B3GALNT2: variants seen among roughly 807,000 people sequenced by gnomAD.
B3GALNT2 encodes UDP-GalNAc:beta-1,3-N-acetylgalactosaminyltransferase 2.
A neutral mutation model predicts 61.1 loss-of-function variants in B3GALNT2; 53 were observed. The ratio of observed to expected loss-of-function variants is 0.87; its 90% CI spans 0.70 to 1.09. The LOEUF is 1.09. B3GALNT2 is among the 50% of genes least tolerant of loss of function. The pLI, the probability that B3GALNT2 is intolerant of heterozygous loss-of-function variation, is 0.00. For missense variants in B3GALNT2, 544 were observed against 623.0 expected, an observed-to-expected ratio of 0.87 and a Z score of 1.35; for synonymous variants, 223 against 237.4, an observed-to-expected ratio of 0.94 and a Z score of 0.56.
chr1:235,474,950 CATATATATATATAT>C (rs1159752267), intron 5 of B3GALNT2, among the ~76,000 whole-genome samples: 685 of 39,150 alleles, frequency 0.017, 42 homozygotes, highest in Middle Eastern at 0.071. Flanking sequence ...AAATTAGAGA[CATATATATATATAT>C]ATATATATAT....
intron 5 of B3GALNT2, among the ~76,000 whole-genome samples, chr1:235,471,807 C>T (rs918364569): frequency 6.6e-6 from 1 of 152,130 alleles, no homozygotes; most frequent in African/African-American, 2.4e-5. Flanking sequence ...GGATTACAGG[C>T]GCTCACTATC....
chr1:235,452,722 T>C (rs1464513990), intron 11 of B3GALNT2, among the ~76,000 whole-genome samples: 2 of 152,056 alleles, frequency 1.3e-5, no homozygotes, highest in Non-Finnish European at 2.9e-5. Flanking sequence ...GCTAATTTTT[T>C]TGTAGTTTTT....
chr1:235,484,786 T>C (rs1479241145), intron 3 of B3GALNT2: 9 of 401,604 alleles, frequency 2.2e-5, no homozygotes, highest in African/African-American at 1.0e-4. Flanking sequence ...TGCATATATA[T>C]GTATAAACGC....
downstream of B3GALNT2, among the ~76,000 whole-genome samples, chr1:235,443,740 G>A (rs1436744687): frequency 6.6e-6 from 1 of 152,124 alleles, no homozygotes; most frequent in Non-Finnish European, 1.5e-5. Flanking sequence ...AAAACAATTC[G>A]CAGATGCTCT....
chr1:235,454,990 A>G (rs1460978836), intron 9 of B3GALNT2, among the ~76,000 whole-genome samples: 1 of 152,240 alleles, frequency 6.6e-6, no homozygotes, highest in Admixed American at 6.5e-5. Flanking sequence ...CAAAATATAC[A>G]GTAGCTTCTA....
At position 235,447,511 on chromosome 1, in the gene B3GALNT2, T is replaced by C. The variant is rs1682449603; in HGVS notation, c.*2695A>G. 6.6e-6 allele frequency among the ~76,000 whole-genome samples: 1 copy of C among 152,144 alleles called. No homozygotes were observed. Among genetic ancestry groups the C allele is most frequent in the Non-Finnish European group, 1.5e-5 (1 of 68,038 alleles). ...CTGGCAGTCACTTGTGTATGTTTAA[T>C]ACAGTTACACATGATGTAATTACAG... On this transcript the variant is annotated 3_prime_UTR_variant, in exon 12 of 12. Coordinates refer to ENST00000366600, the MANE Select transcript of B3GALNT2 (RefSeq NM_152490.5).
At chr1:235,474,948 GACATATATATATATATATATAT>G (rs1684166562) in intron 5 of B3GALNT2, among the ~76,000 whole-genome samples, 1 of 70,092 alleles carries the variant, frequency 1.4e-5, no homozygotes, top group Admixed American at 2.1e-4. Context: ...TAAAATTAGA[GACATATATATATATATATATAT>G]ATATATATAT....
Position 235,448,855 on chromosome 1 carries a change from A to G in B3GALNT2, c.*1351T>C. On this transcript the variant is annotated 3_prime_UTR_variant, in exon 12 of 12. Transcript: ENST00000366600. ...TCACTGGAACAATTCTACTGTCAAA[A>G]CAAAGGGGGTTTACAACTTGTCCTA... 1 of 966,442 alleles carries G rather than the reference A, an allele frequency of 1.0e-6. No individual in the cohort carries two copies. Among genetic ancestry groups the G allele is most frequent in the Non-Finnish European group, 1.6e-6 (1 of 612,610 alleles). 59.9% of individuals were successfully genotyped at this position (966,442 alleles called of 1,614,324 possible).
intron 7 of B3GALNT2, chr1:235,464,228 T>C (rs2102800715): frequency 6.6e-6 from 1 of 152,322 alleles, no homozygotes. Flanking sequence ...TTGGACTTCA[T>C]CAAAATTTAC....
chr1:235,504,213 C>A lies in B3GALNT2; in HGVS notation c.40G>T (p.Gly14Trp). 2 of 1,461,386 alleles carry A rather than the reference C, an allele frequency of 1.4e-6. No homozygotes were observed. Among genetic ancestry groups the A allele is most frequent in the Non-Finnish European group, 1.8e-6 (2 of 1,113,712 alleles). The allele number at this position is 1,461,386 out of a possible 1,614,324, so 90.5% of individuals were successfully genotyped here. A position where few individuals can be genotyped will look rare whatever the true frequency, so the allele number is the denominator to read the frequency against. ...WLVLLCPCVL[G>W]AALHLWLRLR... Reference sequence around the variant, plus strand: ...CGCAGCCAGAGGTGCAGCGCGGCCCCGAGCACACACGGGCACAGCAGCACC... The same window carrying A: ...CGCAGCCAGAGGTGCAGCGCGGCCCAGAGCACACACGGGCACAGCAGCACC... Residue 14 changes from glycine (G) to tryptophan (W), a missense_variant, in exon 1 of 12, where the codon GGG becomes TGG. Transcript: ENST00000366600.
At chr1:235,464,513 C>A (rs1163441118) in intron 7 of B3GALNT2, 1 of 150,828 alleles carries the variant, frequency 6.6e-6, no homozygotes, top group African/African-American at 2.4e-5. Context: ...TCACTTCCCA[C>A]ATCTAGTTCA....
At chr1:235,503,902 C>T (rs978416552) in intron 1 of B3GALNT2, among the ~76,000 whole-genome samples, 2 of 152,222 alleles carry the variant, frequency 1.3e-5, no homozygotes, top group African/African-American at 4.8e-5. Context: ...GGCGCCGGCT[C>T]TGCGGGCGTT....
At chr1:235,446,506 G>GA (rs745453347), downstream of B3GALNT2, among the ~76,000 whole-genome samples, 4 of 149,058 alleles carry the variant, frequency 2.7e-5, no homozygotes, top group African/African-American at 7.4e-5. Flanking sequence ...TATGAACACA[G>GA]AAAAAAAAAG....
chr1:235,471,808 G>A (rs754764132), intron 5 of B3GALNT2, among the ~76,000 whole-genome samples: 4 of 152,054 alleles, frequency 2.6e-5, no homozygotes, highest in African/African-American at 7.2e-5. Context: ...GATTACAGGC[G>A]CTCACTATCA....
intron 6 of B3GALNT2, 53 bp downstream of exon 6, chr1:235,470,797 A>G (rs751290606): frequency 3.8e-6 from 6 of 1,585,380 alleles, no homozygotes; most frequent in Non-Finnish European, 5.1e-6. Flanking sequence ...ACAATTTTAT[A>G]TATTAAAAAG....
In B3GALNT2 at chr1:235,447,223, AAAAT is replaced by A. The variant is rs1212028362; in HGVS notation, c.*2979_*2982del. 6.6e-6 allele frequency among the ~76,000 whole-genome samples: 1 copy of A among 152,236 alleles called. No individual in the cohort carries two copies. Among genetic ancestry groups the A allele is most frequent in the Admixed American group, 6.5e-5 (1 of 15,288 alleles). ...ATACAAAAAGGCCAGTTTTTATTCT[AAAAT>A]AAAGAACATTTATTATCACAAGTTG... On this transcript the variant is annotated 3_prime_UTR_variant, in exon 12 of 12. Transcript: ENST00000366600.
intron 5 of B3GALNT2, among the ~76,000 whole-genome samples, chr1:235,474,988 T>TATATATATATATATA (rs1491560842): frequency 1.2e-3 from 22 of 19,130 alleles, no homozygotes; most frequent in African/African-American, 3.9e-3. Flanking sequence ...TATATATATA[T>TATATATATATATATA]TTTTTTTTTT....
At chr1:235,489,668 A>G (rs1684974465) in intron 2 of B3GALNT2, among the ~76,000 whole-genome samples, 1 of 152,134 alleles carries the variant, frequency 6.6e-6, no homozygotes, top group Non-Finnish European at 1.5e-5. Context: ...AGGTCTTTCC[A>G]TCCAAGAGGA....
At chr1:235,457,034 G>A (rs987788980) in intron 8 of B3GALNT2, among the ~76,000 whole-genome samples, 2 of 152,160 alleles carry the variant, frequency 1.3e-5, no homozygotes, top group Non-Finnish European at 2.9e-5. Flanking sequence ...CAGGCCAGGT[G>A]TGGTGGCTCA....
Sources: allele counts gnomAD v4.1 joint callset (sites outside exome capture counted in the v4.1 genomes callset), GRCh38; gene constraint gnomAD v4.1.1; transcripts MANE v1.5; gene names NCBI Gene and HGNC (gene_info 2026-07-23, HGNC 2026-07-21).